The following FETUB variants were observed in gnomAD, a reference collection of about 807,000 sequenced individuals.
FETUB encodes the protein fetuin-B.
Under a neutral mutation model 30.9 loss-of-function variants are expected in FETUB, and 28 were observed. The observed-to-expected ratio is 0.90, with a 90% CI of 0.67 to 1.24. The LOEUF is 1.24. Ranked by LOEUF, FETUB falls within the 50% of genes most tolerant of loss-of-function variation. FETUB has a pLI of 0.00. For missense variants in FETUB, 469 were observed against 455.3 expected (o/e 1.03, Z -0.27); for synonymous variants, 186 against 175.9 (o/e 1.06, Z -0.45).
chr3:186,647,184 C>T (rs914835679), intron 5 of FETUB: 1 of 152,142 alleles, frequency 6.6e-6, no homozygotes, highest in East Asian at 1.9e-4. Context: ...TGTAGTTTTA[C>T]CTCTTTGCAT....
chr3:186,647,354 A>C (rs4686434), intron 5 of FETUB, among the ~76,000 whole-genome samples: 1 of 151,936 alleles, frequency 6.6e-6, no homozygotes, highest in Non-Finnish European at 1.5e-5. Flanking sequence ...CTCAGAGTGG[A>C]GTTTTTGTCA....
rs769048014 is a variant in FETUB at position 186,640,548 on chromosome 3, G to T, written c.88G>T (p.Ala30Ser). ...ACCCCAGCTGGCCCTCAACCCCTCG[G>T]CTCTGCTCTCCCGGGGCTGCAATGA... Reference protein sequence around the residue: ...SPPQLALNPSALLSRGCNDSD... With the variant: ...SPPQLALNPSSLLSRGCNDSD... Residue 30 changes from alanine to serine, a missense_variant, in exon 1 of 7, where the codon GCT (alanine) becomes TCT (serine). By Grantham distance (99) the Ala-to-Ser change is moderately conservative (BLOSUM62 1). Coordinates refer to ENST00000265029, the MANE Select transcript of FETUB (RefSeq NM_014375.3). 6.2e-7 allele frequency: 1 copy of T among 1,614,154 alleles called. No homozygotes were observed. The highest frequency in any genetic ancestry group is 8.5e-7 in the Non-Finnish European group (1 of 1,180,030).
At chr3:186,652,176 A>T in intron 6 of FETUB, 87 bp from the exon 7 acceptor site, 1 of 1,426,792 alleles carries the variant, frequency 7.0e-7, no homozygotes. Flanking sequence ...ATGTTCCAAC[A>T]GAAAGGCACA....
At chr3:186,641,188 T>C in intron 2 of FETUB, 48 bp downstream of exon 2, 1 of 1,109,974 alleles carries the variant, frequency 9.0e-7, no homozygotes, top group South Asian at 1.3e-5. Context: ...GGAAAGCAAG[T>C]AGGTACACTC....
rs1245758949 is a variant in FETUB, at chr3:186,640,607, G to A, written c.147G>A (p.Leu49=). The change falls in exon 1 of 7, where the codon CTG becomes CTA. Residue 49 remains leucine (L), a synonymous_variant. Coordinates refer to ENST00000265029, the MANE Select transcript of FETUB (RefSeq NM_014375.3). ...TGCTGGCAGTTGCAGGCTTTGCCCT[G>A]CGGGATATTAACAAAGACAGAAAGG... ...SDVLAVAGFA[L]RDINKDRKDG... is the part of the protein sequence containing the mutation. 5 of 1,614,200 alleles carry A rather than the reference G, an allele frequency of 3.1e-6. No homozygotes were observed. The highest frequency in any genetic ancestry group is 1.1e-5 in the South Asian group (1 of 91,086).
chr3:186,644,648 ATATT>A, intron 3 of FETUB, 99 bp from the exon 4 acceptor site: 1 of 786,386 alleles, frequency 1.3e-6, no homozygotes, highest in Non-Finnish European at 2.0e-6. Context: ...TTCCAGGGGT[ATATT>A]CCAGAGGTAA....
chr3:186,645,173 C>A (rs1472401256), intron 4 of FETUB, among the ~76,000 whole-genome samples: 1 of 152,168 alleles, frequency 6.6e-6, no homozygotes, highest in African/African-American at 2.4e-5. Flanking sequence ...CAGAAATGAA[C>A]TCCTAGTCTC....
chr3:186,651,283 T>C lies in FETUB; in HGVS notation c.762T>C (p.Cys254=). The C allele has an allele frequency of 6.2e-7, 1 of 1,611,770 alleles. No individual in the cohort carries two copies. The highest frequency in any genetic ancestry group is 1.1e-5 in the South Asian group (1 of 90,948). ...THWEKFVSVT[C]DFFESQAPAT... ...GGGAAAAGTTTGTCTCTGTGACTTG[T>C]GACTTCTTTGAATCACAGGTATTTT... Residue 254 remains cysteine (C), a synonymous_variant, in exon 6 of 7, where the codon TGT becomes TGC. Transcript: ENST00000265029.
intron 1 of FETUB, 26 bp downstream of exon 1, chr3:186,640,711 G>A: frequency 6.3e-7 from 1 of 1,587,550 alleles, no homozygotes; most frequent in South Asian, 1.1e-5. Flanking sequence ...TCCCACTCTG[G>A]GGCAGGGATG....
chr3:186,644,507 T>C (rs1717329686), intron 3 of FETUB, among the ~76,000 whole-genome samples: 2 of 152,326 alleles, frequency 1.3e-5, no homozygotes, highest in East Asian at 3.9e-4. Flanking sequence ...TATACTATAT[T>C]ATGTGTCTTT....
At position 186,640,440 on chromosome 3, in the gene FETUB, C is replaced by T. The variant is rs760298627; in HGVS notation, c.-21C>T. 3.1e-6 allele frequency: 5 copies of T among 1,600,692 alleles called. No homozygotes were observed. In the East Asian group the frequency reaches 8.9e-5, roughly 29 times the overall value. ...CTGCAGCTCCACAAACTGACCCATC[C>T]TGGGCCTTGTTCTCCACAGAATGGG... On this transcript the variant is annotated 5_prime_UTR_variant, in exon 1 of 7. Coordinates refer to ENST00000265029, the MANE Select transcript of FETUB (RefSeq NM_014375.3).
In FETUB at chr3:186,642,547, C is replaced by T. The variant is rs755984506; in HGVS notation, c.413C>T (p.Thr138Ile). The change falls in exon 3 of 7, where the codon ACT (threonine) becomes ATT (isoleucine). Residue 138 changes from threonine (T) to isoleucine (I), a missense_variant. Thr to Ile is a moderately conservative substitution (Grantham distance 89). Coordinates refer to ENST00000265029, the MANE Select transcript of FETUB (RefSeq NM_014375.3). ...RVLYLAAYNCTLRPVSKKKIY... is the reference protein window; with the variant it reads ...RVLYLAAYNCILRPVSKKKIY... ...CTCTATTTAGCTGCTTATAACTGTA[C>T]TCTTCGCCCAGGTAAGAAATCACTA... The T allele has an allele frequency of 6.3e-7, 1 of 1,593,584 alleles. No individual in the cohort carries two copies. The highest frequency in any genetic ancestry group is 2.2e-5 in the East Asian group (1 of 44,762).
rs766288543 is a variant in FETUB, at chr3:186,644,971, G to A, written c.594+51G>A. 3.3e-5 allele frequency: 48 copies of A among 1,446,712 alleles called. No individual in the cohort carries two copies. In the Admixed American group the frequency reaches 1.1e-3, roughly 32 times the overall value. The allele number at this position is 1,446,712 out of a possible 1,614,324, so 89.6% of individuals were successfully genotyped here. A position where few individuals can be genotyped will look rare whatever the true frequency, so the allele number is the denominator to read the frequency against. On this transcript the variant is annotated intron_variant, in intron 4 of 6. Transcript: ENST00000265029. ...TTACACAGTGTGTCTCATAACTGTT[G>A]CTGTAGGTTCCTAAGCTGGGAGGAA...
intron 4 of FETUB, among the ~76,000 whole-genome samples, chr3:186,645,696 GAAGGTGTTTAGGGCCCATTC>G (rs1373171172): frequency 1.4e-5 from 2 of 144,754 alleles, no homozygotes; most frequent in Non-Finnish European, 3.0e-5. Context: ...CAAATCAAAA[GAAGGTGTTTAGGGCCCATTC>G]AAATCTTTTT....
At chr3:186,647,247 CATCT>C (rs1396232595) in intron 5 of FETUB, 2 of 151,696 alleles carry the variant, frequency 1.3e-5, no homozygotes, top group Non-Finnish European at 1.5e-5. Flanking sequence ...ATTGTTTATC[CATCT>C]ATCAGTTGAT....
chr3:186,644,964 A>C (rs1322158829), intron 4 of FETUB, 44 bp downstream of exon 4: 1 of 1,501,286 alleles, frequency 6.7e-7, no homozygotes, highest in African/African-American at 1.4e-5. Flanking sequence ...TGTGTCTCAT[A>C]ACTGTTGCTG....
At chr3:186,650,238 T>G (rs897482068) in intron 5 of FETUB, among the ~76,000 whole-genome samples, 2 of 151,878 alleles carry the variant, frequency 1.3e-5, no homozygotes, top group African/African-American at 4.8e-5. Flanking sequence ...TTTAGTTTAT[T>G]TTTAGATAAA....
intron 6 of FETUB, chr3:186,651,506 G>A (rs1718036208): frequency 1.8e-6 from 1 of 542,966 alleles, no homozygotes; most frequent in African/African-American, 1.9e-5. Flanking sequence ...TGCAGAATAA[G>A]CAAGACAAAT....
chr3:186,652,798 G>A lies in FETUB; in HGVS notation c.*167G>A. The A allele has an allele frequency of 2.5e-6, 2 of 792,966 alleles. No homozygotes were observed. The highest frequency in any genetic ancestry group is 3.9e-5 in the South Asian group (2 of 51,324). 49.1% of individuals were successfully genotyped at this position (792,966 alleles called of 1,614,324 possible). A position where few individuals can be genotyped will look rare whatever the true frequency, so the allele number is the denominator to read the frequency against. On this transcript the variant is annotated 3_prime_UTR_variant, in exon 7 of 7. Coordinates refer to ENST00000265029, the MANE Select transcript of FETUB (RefSeq NM_014375.3). ...GACTGGGATTGGAAATAATGAGACTGAGCCCTCGGCTTGGGCTGCACTCTA... is the reference window on the plus strand; with the variant it reads ...GACTGGGATTGGAAATAATGAGACTAAGCCCTCGGCTTGGGCTGCACTCTA...
Sources: gnomAD v4.1 joint callset for allele counts (sites outside exome capture counted in the v4.1 genomes callset) on GRCh38, gnomAD v4.1.1 for gene constraint, MANE v1.5 for transcripts, NCBI Gene and HGNC (gene_info 2026-07-23, HGNC 2026-07-21) for gene names.